PCDHGA8: variants seen among roughly 807,000 people sequenced by gnomAD.
PCDHGA8 encodes protocadherin gamma-A8.
Under a neutral mutation model 59.2 loss-of-function variants are expected in PCDHGA8, and 45 were observed. The ratio of observed to expected loss-of-function variants is 0.76; its 90% CI spans 0.60 to 0.98. The LOEUF (loss-of-function observed/expected upper bound fraction) is 0.98, where lower values mean the gene tolerates loss of function less well. PCDHGA8 is among the 50% of genes least tolerant of loss of function. PCDHGA8 has a pLI of 0.00. For synonymous variants in PCDHGA8, 531 were observed against 519.0 expected (o/e 1.02, Z -0.32); for missense variants, 1,257 against 1,196.2 (o/e 1.05, Z -0.75).
At chr5:141,405,436 T>C (rs2094666141) in intron 1 of PCDHGA8, 1 of 1,458,154 alleles carries the variant, frequency 6.9e-7, no homozygotes. Flanking sequence ...TGTTTTGTTT[T>C]TGAGACAGAG....
rs1231167998 is a variant in PCDHGA8, at chr5:141,399,197, T to C, written c.2424+3960T>C. 1.9e-6 allele frequency: 3 copies of C among 1,613,808 alleles called. No individual in the cohort carries two copies. In the African/African-American group the frequency reaches 4.0e-5, roughly 22 times the overall value. On this transcript the variant is annotated intron_variant, in intron 1 of 3. Transcript: ENST00000398604. ...CTTGAAATGATTCTGGAAAACGCGGTGCCTGGAACACTAATTGCTTTGATC... is the reference window on the plus strand; with the variant it reads ...CTTGAAATGATTCTGGAAAACGCGGCGCCTGGAACACTAATTGCTTTGATC...
chr5:141,495,449 GCT>G (rs560850951), intron 2 of PCDHGA8, among the ~76,000 whole-genome samples: 3 of 152,194 alleles, frequency 2.0e-5, no homozygotes, highest in Non-Finnish European at 2.9e-5. Flanking sequence ...TACTTGTCCT[GCT>G]CTCTGTCTGT....
chr5:141,432,797 T>C lies in PCDHGA8; in HGVS notation c.2424+37560T>C, dbSNP rs1591218426. On this transcript the variant is annotated intron_variant, in intron 1 of 3. Coordinates refer to ENST00000398604, the MANE Select transcript of PCDHGA8 (RefSeq NM_032088.2). The surrounding 1 kb of genome is among the most constrained non-coding windows in gnomAD (Gnocchi z 6.0). The stretch of plus-strand genomic sequence containing the variant: ...CCTGGCGGACCTCGGCAGCCTCGAG[T>C]CTCCAGCTAACTCTGAAACCTCAGA... 2.5e-6 allele frequency: 4 copies of C among 1,613,752 alleles called. No individual in the cohort carries two copies. The highest frequency in any genetic ancestry group is 2.7e-5 in the African/African-American group (2 of 74,816).
intron 1 of PCDHGA8, among the ~76,000 whole-genome samples, chr5:141,466,735 T>C (rs2099128254): frequency 6.6e-6 from 1 of 152,224 alleles, no homozygotes; most frequent in South Asian, 2.1e-4. Context: ...GCAGAATTCA[T>C]GTTACTCTGA....
intron 1 of PCDHGA8, chr5:141,395,506 G>T: frequency 4.6e-6 from 2 of 433,794 alleles, no homozygotes; most frequent in Non-Finnish European, 8.1e-6. Flanking sequence ...CACTTAAGAA[G>T]TAGCTACCCG....
chr5:141,413,530 A>G (rs879218343), intron 1 of PCDHGA8: 1 of 1,613,954 alleles, frequency 6.2e-7, no homozygotes, highest in Non-Finnish European at 8.5e-7. Context: ...AGACAGGGTG[A>G]AACTTTTTGG....
intron 1 of PCDHGA8, chr5:141,421,255 C>A (rs759899934): frequency 1.9e-6 from 3 of 1,607,644 alleles, no homozygotes; most frequent in Non-Finnish European, 2.5e-6. Context: ...GCGCGGGGAC[C>A]GCAGTCGGCT....
At chr5:141,409,798 G>T (rs2095317053) in intron 1 of PCDHGA8, 1 of 1,611,672 alleles carries the variant, frequency 6.2e-7, no homozygotes, top group South Asian at 1.1e-5. Context: ...CGCTCACGCT[G>T]CAGGCCCGCG....
chr5:141,470,022 G>A (rs892106953), intron 1 of PCDHGA8, among the ~76,000 whole-genome samples: 2 of 152,188 alleles, frequency 1.3e-5, no homozygotes, highest in African/African-American at 2.4e-5. Context: ...CCAGCTACTC[G>A]GGATGCTGAG....
chr5:141,423,689 G>A (rs2096767103), intron 1 of PCDHGA8: 2 of 1,400,130 alleles, frequency 1.4e-6, no homozygotes, highest in Non-Finnish European at 9.4e-7. Context: ...CCTCCTAATT[G>A]TTGGTGTCTT....
At chr5:141,441,848 T>C (rs1034278597) in intron 1 of PCDHGA8, 2 of 356,906 alleles carry the variant, frequency 5.6e-6, no homozygotes, top group South Asian at 2.4e-5. Context: ...CTCTTGGATA[T>C]GGTGCTGCAC....
At chr5:141,426,427 G>A in intron 1 of PCDHGA8, 2 of 293,710 alleles carry the variant, frequency 6.8e-6, no homozygotes, top group Non-Finnish European at 1.3e-5. Context: ...CTCCGTGGTG[G>A]GGAACCTTGC....
At chr5:141,399,315 T>C in intron 1 of PCDHGA8, 2 of 1,613,878 alleles carry the variant, frequency 1.2e-6, no homozygotes, top group Non-Finnish European at 8.5e-7. Flanking sequence ...CATCCAAAAA[T>C]TCGTATAAGT....
At chr5:141,415,653 G>T in intron 1 of PCDHGA8, 1 of 1,539,362 alleles carries the variant, frequency 6.5e-7, no homozygotes, top group Non-Finnish European at 8.8e-7. Context: ...AAAAAAAAAA[G>T]ATTGGTTTTT....
At chr5:141,445,855 T>C (rs1432695384) in intron 1 of PCDHGA8, among the ~76,000 whole-genome samples, 1 of 152,222 alleles carries the variant, frequency 6.6e-6, no homozygotes, top group Non-Finnish European at 1.5e-5. Flanking sequence ...CTTAAAATTC[T>C]GGATTTTGTT....
chr5:141,437,217 T>G (rs2097868672), intron 1 of PCDHGA8, among the ~76,000 whole-genome samples: 1 of 152,230 alleles, frequency 6.6e-6, no homozygotes, highest in Admixed American at 6.5e-5. Flanking sequence ...TTATTCTGAT[T>G]CCAGTCATAA....
At chr5:141,473,168 A>G (rs1026233643) in intron 1 of PCDHGA8, among the ~76,000 whole-genome samples, 2 of 152,218 alleles carry the variant, frequency 1.3e-5, no homozygotes, top group Admixed American at 1.3e-4. Context: ...AGGAAGGCCC[A>G]CTGGTAACTT....
At chr5:141,412,981 G>C (rs1309699690) in intron 1 of PCDHGA8, 2 of 546,326 alleles carry the variant, frequency 3.7e-6, no homozygotes, top group Non-Finnish European at 3.1e-6. Context: ...AACGCAGCCA[G>C]AGCTCAATCC....
Position 141,491,665 on chromosome 5 carries a change from C to T in PCDHGA8, c.2425-3142C>T, listed in dbSNP as rs749918160. 6.2e-7 allele frequency: 1 copy of T among 1,613,764 alleles called. No homozygotes were observed. The highest frequency in any genetic ancestry group is 8.5e-7 in the Non-Finnish European group (1 of 1,180,000). On this transcript the variant is annotated intron_variant, in intron 1 of 3. Transcript: ENST00000398604. The surrounding 1 kb of genome is among the most constrained non-coding windows in gnomAD (Gnocchi z 6.9). ...TCTGGCGCTGGAGCCTGACGCCATCCGGTCCCGCTCTAATACGCTGCGGGA... is the reference window on the plus strand; with the variant it reads ...TCTGGCGCTGGAGCCTGACGCCATCTGGTCCCGCTCTAATACGCTGCGGGA...
Sources: gnomAD v4.1 joint callset for allele counts (sites outside exome capture counted in the v4.1 genomes callset) on GRCh38, gnomAD v4.1.1 for gene constraint, Gnocchi (gnomAD v3.1) non-coding constraint, MANE v1.5 for transcripts, NCBI Gene and HGNC (gene_info 2026-07-23, HGNC 2026-07-21) for gene names.